Variants in CHST8 observed in about 807,000 individuals in gnomAD.
CHST8 encodes the protein carbohydrate sulfotransferase 8.
In CHST8, 10 loss-of-function variants were observed where a neutral mutation model predicts 15.0. The observed-to-expected ratio is 0.67, with a 90% CI of 0.41 to 1.13. The LOEUF (loss-of-function observed/expected upper bound fraction) is 1.13. CHST8 is among the 50% of genes most tolerant of loss of function. The pLI is 0.00. For missense variants in CHST8, 634 were observed against 608.2 expected, an observed-to-expected ratio of 1.04 and a Z score of -0.45; for synonymous variants, 259 against 256.6, an observed-to-expected ratio of 1.01 and a Z score of -0.09.
At chr19:33,642,464 G>A (rs1215764918) in intron 1 of CHST8, among the ~76,000 whole-genome samples, 2 of 152,108 alleles carry the variant, frequency 1.3e-5, no homozygotes, top group African/African-American at 2.4e-5. Flanking sequence ...CTGGGTTCAA[G>A]CAATTCTTGT....
At chr19:33,729,437 G>A (rs1236365974) in intron 3 of CHST8, among the ~76,000 whole-genome samples, 3 of 152,228 alleles carry the variant, frequency 2.0e-5, no homozygotes, top group Non-Finnish European at 4.4e-5. Context: ...CAGCGCGTGT[G>A]TAACTTAACC....
chr19:33,729,426 A>C (rs1973956339), intron 3 of CHST8, among the ~76,000 whole-genome samples: 2 of 152,348 alleles, frequency 1.3e-5, no homozygotes, highest in South Asian at 4.1e-4. Context: ...GACAGAAGTC[A>C]CAGCGCGTGT....
At chr19:33,624,668 G>A (rs1972028260) in intron 1 of CHST8, among the ~76,000 whole-genome samples, 1 of 152,192 alleles carries the variant, frequency 6.6e-6, no homozygotes. Context: ...AAAGGGGAGA[G>A]TCAGATTTGC....
At chr19:33,771,474 T>C in intron 4 of CHST8, 24 bp downstream of exon 4, 1 of 1,612,596 alleles carries the variant, frequency 6.2e-7, no homozygotes. Flanking sequence ...GTCAGATAAA[T>C]CTCAGTGCAC....
intron 1 of CHST8, among the ~76,000 whole-genome samples, chr19:33,637,736 G>A (rs1365978932): frequency 1.4e-5 from 2 of 144,850 alleles, no homozygotes; most frequent in Admixed American, 6.8e-5. Flanking sequence ...GGTGGCTCAC[G>A]CCTGTAATCC....
intron 3 of CHST8, among the ~76,000 whole-genome samples, chr19:33,721,880 G>A (rs1453598494): frequency 6.6e-6 from 1 of 151,800 alleles, no homozygotes; most frequent in African/African-American, 2.4e-5. Context: ...TGGATGGATG[G>A]GTGGGTGAGT....
intron 3 of CHST8, among the ~76,000 whole-genome samples, chr19:33,732,746 G>A (rs1048505992): frequency 2.0e-5 from 3 of 152,080 alleles, no homozygotes; most frequent in Non-Finnish European, 4.4e-5. Context: ...GGGCAGCAGG[G>A]CAACGCCAGA....
At chr19:33,720,054 G>A (rs181020438) in intron 3 of CHST8, among the ~76,000 whole-genome samples, 293 of 152,144 alleles carry the variant, frequency 1.9e-3, no homozygotes, top group African/African-American at 6.6e-3. Context: ...CGGCAGCCCC[G>A]CTGTCTGTAC....
chr19:33,661,705 T>C (rs1972587220), intron 1 of CHST8, among the ~76,000 whole-genome samples: 1 of 152,142 alleles, frequency 6.6e-6, no homozygotes, highest in Non-Finnish European at 1.5e-5. Context: ...CTCTCATCTG[T>C]TCTTCACCAG....
intron 3 of CHST8, among the ~76,000 whole-genome samples, chr19:33,757,390 G>GAAAGAAAGAA (rs1568358108): frequency 2.0e-4 from 1 of 5,000 alleles, no homozygotes; most frequent in Non-Finnish European, 4.8e-4. Context: ...AAAAAAAGAA[G>GAAAGAAAGAA]AAAGAAAGAA....
intron 3 of CHST8, among the ~76,000 whole-genome samples, chr19:33,737,260 C>T (rs979322319): frequency 6.6e-5 from 10 of 152,342 alleles, no homozygotes; most frequent in African/African-American, 2.2e-4. Flanking sequence ...TCTTAATAAA[C>T]TTGTTTTCAC....
At chr19:33,661,854 G>A (rs1376447881) in intron 1 of CHST8, among the ~76,000 whole-genome samples, 1 of 131,180 alleles carries the variant, frequency 7.6e-6, no homozygotes, top group African/African-American at 2.9e-5. Flanking sequence ...AACACAGGGA[G>A]ATTTCATCTT....
intron 1 of CHST8, among the ~76,000 whole-genome samples, chr19:33,624,198 C>G (rs1972021545): frequency 6.6e-6 from 1 of 152,190 alleles, no homozygotes; most frequent in Non-Finnish European, 1.5e-5. Context: ...AAAGCAAGGT[C>G]AAGGATTAAT....
chr19:33,633,766 T>C (rs1223083122), intron 1 of CHST8, among the ~76,000 whole-genome samples: 3 of 133,010 alleles, frequency 2.3e-5, no homozygotes, highest in Non-Finnish European at 4.7e-5. Context: ...TTGAACAGTT[T>C]TCTTTTTCGT....
intron 3 of CHST8, among the ~76,000 whole-genome samples, chr19:33,717,550 G>A (rs554345927): frequency 3.3e-5 from 5 of 152,246 alleles, no homozygotes; most frequent in South Asian, 2.1e-4. Context: ...ACCTTTATGC[G>A]TTTATTTAAT....
chr19:33,760,057 G>A (rs1003191525), intron 3 of CHST8, among the ~76,000 whole-genome samples: 1 of 152,020 alleles, frequency 6.6e-6, no homozygotes, highest in Admixed American at 6.6e-5. Context: ...CTGGGTCCAG[G>A]CCTCAAGAGT....
At position 33,773,141 on chromosome 19, in the gene CHST8, C is replaced by T; in HGVS notation, c.*78C>T. The T allele has an allele frequency of 6.9e-7, 1 of 1,438,850 alleles. No individual in the cohort carries two copies. The highest frequency in any genetic ancestry group is 9.2e-7 in the Non-Finnish European group (1 of 1,081,904). The allele number at this position is 1,438,850 out of a possible 1,614,324, so 89.1% of individuals were successfully genotyped here. On this transcript the variant is annotated 3_prime_UTR_variant, in exon 5 of 5. Transcript: ENST00000650847. Reference sequence around the variant, plus strand: ...CCGGGCATCCTCCTGTCCCTGGCTCCTCATCCTGGGAGCAACAGGGCTCTG... The same window carrying T: ...CCGGGCATCCTCCTGTCCCTGGCTCTTCATCCTGGGAGCAACAGGGCTCTG...
chr19:33,691,174 A>G (rs1973094103), intron 3 of CHST8, among the ~76,000 whole-genome samples: 1 of 152,224 alleles, frequency 6.6e-6, no homozygotes, highest in Non-Finnish European at 1.5e-5. Context: ...CCGAGTGCAC[A>G]TACGTGTGGA....
intron 3 of CHST8, among the ~76,000 whole-genome samples, chr19:33,740,021 A>G (rs1005835383): frequency 2.6e-5 from 4 of 152,186 alleles, no homozygotes; most frequent in African/African-American, 9.7e-5. Context: ...GAGTCTTTCC[A>G]TACTACTTTT....
Sources: allele counts gnomAD v4.1 joint callset (sites outside exome capture counted in the v4.1 genomes callset), GRCh38; gene constraint gnomAD v4.1.1; transcripts MANE v1.5; gene names NCBI Gene and HGNC (gene_info 2026-07-23, HGNC 2026-07-21).